AGO1: variants seen among roughly 807,000 people sequenced by gnomAD.
The protein encoded by AGO1 is protein argonaute-1.
In AGO1, 11 loss-of-function variants were observed where a neutral mutation model predicts 109.2. The ratio of observed to expected loss-of-function variants is 0.10; its 90% CI spans 0.06 to 0.17. AGO1 has a LOEUF of 0.17. Ranked by LOEUF, AGO1 falls within the 10% of genes least tolerant of loss-of-function variation. The pLI is 1.00. For synonymous variants in AGO1, 422 were observed against 418.6 expected, an observed-to-expected ratio of 1.01 and a Z score of -0.10; for missense variants, 574 against 1,140.3, an observed-to-expected ratio of 0.50 and a Z score of 7.15.
chr1:35,906,885 A>G (rs1292876578), intron 11 of AGO1, 50 bp from the exon 12 acceptor site: 1 of 1,539,820 alleles, frequency 6.5e-7, no homozygotes, highest in East Asian at 2.3e-5. Context: ...TTTTGTCAGA[A>G]GAATTCAAGT....
Position 35,893,667 on chromosome 1 carries a change from C to T in AGO1, c.513-7C>T. 6.2e-7 allele frequency: 1 copy of T among 1,608,364 alleles called. No individual in the cohort carries two copies. Among genetic ancestry groups the T allele is most frequent in the African/African-American group, 1.3e-5 (1 of 74,990 alleles). On this transcript the variant is annotated splice_region_variant and splice_polypyrimidine_tract_variant and intron_variant, in intron 4 of 18. Transcript: ENST00000373204. This position sits in a 1 kb window ranked among gnomAD's most constrained non-coding sequence, Gnocchi z 5.6. ...CGAGGGACCAGTTCTCTGCCTGTCC[C>T]TGCCAGGTACACCCCTGTGGGCCGC...
In AGO1 at chr1:35,883,256, C is replaced by T. The variant is rs1645058154; in HGVS notation, c.-166C>T. 1 of 1,346,088 alleles carries T rather than the reference C, an allele frequency of 7.4e-7. No individual in the cohort carries two copies. Among genetic ancestry groups the T allele is most frequent in the Middle Eastern group, 2.9e-4 (1 of 3,488 alleles). 83.4% of individuals were successfully genotyped at this position (1,346,088 alleles called of 1,614,324 possible). ...GCAGTGGGAGCTGCTGCAGGCTCCG[C>T]GGCGGCGGCAACGGAGGCTGCGGGG... On this transcript the variant is annotated 5_prime_UTR_variant, in exon 1 of 19. Transcript: ENST00000373204. This position sits in a 1 kb window ranked among gnomAD's most constrained non-coding sequence, Gnocchi z 5.4.
chr1:35,891,530 A>C (rs1557605535), intron 2 of AGO1, among the ~76,000 whole-genome samples: 1 of 151,752 alleles, frequency 6.6e-6, no homozygotes, highest in Non-Finnish European at 1.5e-5. Context: ...TCTGTTCCTG[A>C]TTTTTTTGTT....
chr1:35,924,895 G>C lies in AGO1; in HGVS notation c.*5288G>C, dbSNP rs909460062. The C allele has an allele frequency of 1.3e-5, 2 of 152,146 alleles. No individual in the cohort carries two copies. Among genetic ancestry groups the C allele is most frequent in the African/African-American group, 4.8e-5 (2 of 41,416 alleles). The allele number at this position is 152,146 out of a possible 1,614,324, so 9.4% of individuals were successfully genotyped here. ...TCCAGTAAACACAGGTTGGTGCTCA[G>C]GTAAGACTGTAAAACTGCATTTATA... On this transcript the variant is annotated 3_prime_UTR_variant, in exon 19 of 19. Coordinates refer to ENST00000373204, the MANE Select transcript of AGO1 (RefSeq NM_012199.5).
Position 35,883,394 on chromosome 1 carries a change from C to T in AGO1, c.-28C>T. On this transcript the variant is annotated 5_prime_UTR_variant, in exon 1 of 19. Coordinates refer to ENST00000373204, the MANE Select transcript of AGO1 (RefSeq NM_012199.5). This position sits in a 1 kb window ranked among gnomAD's most constrained non-coding sequence, Gnocchi z 5.4. The stretch of plus-strand genomic sequence containing the variant: ...CACGCTGGACTTCACAGTCTCCGGG[C>T]CGCCTGACCTCCGCACGGGTATATG... 2 of 1,580,544 alleles carry T rather than the reference C, an allele frequency of 1.3e-6. No homozygotes were observed. Among genetic ancestry groups the T allele is most frequent in the Non-Finnish European group, 1.7e-6 (2 of 1,165,264 alleles).
rs79933412 is a variant in AGO1 at position 35,877,434 on chromosome 1, C to T, written c.-201+7531C>T. On this transcript the variant is annotated intron_variant, in intron 1 of 18. Transcript: ENST00000373206. ...GCTAATTCCTGCTCATCCTCACAGGCCTGTTTAAGTAGATATCTCTTCTAT... is the reference window on the plus strand; with the variant it reads ...GCTAATTCCTGCTCATCCTCACAGGTCTGTTTAAGTAGATATCTCTTCTAT... Among the ~76,000 whole-genome samples, 1,041 of 152,250 alleles carry T rather than the reference C, an allele frequency of 6.8e-3. 7 individuals are homozygous for T. The highest frequency in any genetic ancestry group is 0.024 in the African/African-American group (989 of 41,532).
intron 1 of AGO1, among the ~76,000 whole-genome samples, chr1:35,870,493 C>T (rs1045664807): frequency 5.3e-5 from 8 of 152,052 alleles, no homozygotes; most frequent in Non-Finnish European, 8.8e-5. Flanking sequence ...CCGTGTTAGC[C>T]AGGATGGTCT....
intron 15 of AGO1, among the ~76,000 whole-genome samples, chr1:35,916,384 G>A (rs772791001): frequency 4.0e-5 from 6 of 150,408 alleles, no homozygotes; most frequent in South Asian, 2.1e-4. Context: ...TCTTTTTTTT[G>A]GGGGGAACAG....
At chr1:35,878,313 C>T (rs1645008518), upstream of AGO1, among the ~76,000 whole-genome samples, 1 of 151,860 alleles carries the variant, frequency 6.6e-6, no homozygotes, top group South Asian at 2.1e-4. Flanking sequence ...TCTCAATCTC[C>T]TGATCTCATG....
chr1:35,887,347 A>G (rs1374734655), intron 1 of AGO1, among the ~76,000 whole-genome samples: 2 of 152,126 alleles, frequency 1.3e-5, no homozygotes, highest in East Asian at 3.9e-4. Context: ...CTAGTTCTCT[A>G]CTGCCAAGAA....
chr1:35,913,792 T>C (rs974609024), intron 12 of AGO1, 50 bp from the exon 13 acceptor site: 1 of 1,584,900 alleles, frequency 6.3e-7, no homozygotes, highest in Non-Finnish European at 8.6e-7. Context: ...CTAGTAGGCA[T>C]TCAGTAAATA....
At position 35,926,363 on chromosome 1, in the gene AGO1, ATCCT is replaced by A. The variant is rs1218081256; in HGVS notation, c.*6763_*6766del. 2.0e-5 allele frequency: 3 copies of A among 152,152 alleles called. No homozygotes were observed. Among genetic ancestry groups the A allele is most frequent in the Non-Finnish European group, 2.9e-5 (2 of 68,064 alleles). 9.4% of individuals were successfully genotyped at this position (152,152 alleles called of 1,614,324 possible). On this transcript the variant is annotated 3_prime_UTR_variant, in exon 19 of 19. Coordinates refer to ENST00000373204, the MANE Select transcript of AGO1 (RefSeq NM_012199.5). ...CATTCCTTTTCATTACTGGTTGAGC[ATCCT>A]TCCTTCTGCTCTGTCAATTGGCAAA...
At position 35,925,313 on chromosome 1, in the gene AGO1, T is replaced by C. The variant is rs1398619650; in HGVS notation, c.*5706T>C. 2 of 151,096 alleles carry C rather than the reference T, an allele frequency of 1.3e-5. No individual in the cohort carries two copies. The highest frequency in any genetic ancestry group is 2.9e-5 in the Non-Finnish European group (2 of 67,856). The allele number at this position is 151,096 out of a possible 1,614,324, so 9.4% of individuals were successfully genotyped here. ...GAAAATGAGCATTGGAAAAACCAAT[T>C]CTAAAATGGCTAAAACTAGGACTTT... On this transcript the variant is annotated 3_prime_UTR_variant, in exon 19 of 19. Transcript: ENST00000373204.
In AGO1 at chr1:35,925,359, C is replaced by T. The variant is rs1040534105; in HGVS notation, c.*5752C>T. ...ACTTTCAAGTTCACCACAACTACCA[C>T]CAATTAGGAGATAATTGTAAAAGAA... is the stretch of plus-strand genomic sequence containing the variant. On this transcript the variant is annotated 3_prime_UTR_variant, in exon 19 of 19. Coordinates refer to ENST00000373204, the MANE Select transcript of AGO1 (RefSeq NM_012199.5). 6.6e-6 allele frequency: 1 copy of T among 150,454 alleles called. No individual in the cohort carries two copies. The highest frequency in any genetic ancestry group is 1.5e-5 in the Non-Finnish European group (1 of 67,734). The allele number at this position is 150,454 out of a possible 1,614,324, so 9.3% of individuals were successfully genotyped here.
chr1:35,886,306 G>A (rs764716476), intron 1 of AGO1, among the ~76,000 whole-genome samples: 38 of 152,160 alleles, frequency 2.5e-4, no homozygotes, highest in Non-Finnish European at 4.6e-4. Context: ...GGGGTAAGGG[G>A]GGCGGGGAGG....
upstream of AGO1, among the ~76,000 whole-genome samples, chr1:35,880,038 T>G (rs548861265): frequency 1.3e-5 from 2 of 152,260 alleles, no homozygotes; most frequent in South Asian, 4.1e-4. Flanking sequence ...CTGAGACCTT[T>G]GAGAGTTTTT....
At position 35,906,894 on chromosome 1, in the gene AGO1, G is replaced by C. The variant is rs997789626; in HGVS notation, c.1398-41G>C. 3 of 1,567,064 alleles carry C rather than the reference G, an allele frequency of 1.9e-6. No homozygotes were observed. The African/African-American group carries it at 4.1e-5, about 21-fold the overall frequency. On this transcript the variant is annotated intron_variant, in intron 11 of 18. Transcript: ENST00000373204. ...ATGGATTTTTGTCAGAAGAATTCAA[G>C]TGAGACTCACTGCCTCCTTTGTGAC...
At chr1:35,889,513 C>T (rs1270294912) in intron 2 of AGO1, among the ~76,000 whole-genome samples, 2 of 150,310 alleles carry the variant, frequency 1.3e-5, no homozygotes, top group Admixed American at 1.3e-4. Context: ...TGCCCGGCCT[C>T]TGTGATATTT....
chr1:35,904,748 T>A (rs1403688225), intron 11 of AGO1, among the ~76,000 whole-genome samples: 1 of 152,212 alleles, frequency 6.6e-6, no homozygotes, highest in African/African-American at 2.4e-5. Context: ...CCAAGTCATC[T>A]ATAGCAGTGG....
Sources: gnomAD v4.1 joint callset for allele counts (sites outside exome capture counted in the v4.1 genomes callset) on GRCh38, gnomAD v4.1.1 for gene constraint, Gnocchi (gnomAD v3.1) non-coding constraint, MANE v1.5 for transcripts, NCBI Gene and HGNC (gene_info 2026-07-23, HGNC 2026-07-21) for gene names.